Variants in USP9X observed in about 807,000 individuals in gnomAD.
USP9X encodes ubiquitin carboxyl-terminal hydrolase 9X.
A neutral mutation model predicts 190.3 loss-of-function variants in USP9X; 7 were observed. The ratio of observed to expected loss-of-function variants is 0.04; its 90% CI spans 0.02 to 0.07. USP9X has a LOEUF of 0.07. USP9X is among the 10% of genes least tolerant of loss of function. USP9X has a pLI of 1.00. For missense variants in USP9X, 1,010 were observed against 1,916.9 expected, an observed-to-expected ratio of 0.53 and a Z score of 8.83; for synonymous variants, 645 against 659.5, an observed-to-expected ratio of 0.98 and a Z score of 0.34.
At chrX:41,181,900 T>C (rs1385162013) in intron 21 of USP9X, among the ~76,000 whole-genome samples, 1 of 111,564 alleles carries the variant, frequency 9.0e-6, no homozygotes, top group East Asian at 2.8e-4. Flanking sequence ...ACCAAAATCG[T>C]CATAAACTCT....
chrX:41,086,326 CTG>C (rs1307447963), intron 1 of USP9X, among the ~76,000 whole-genome samples: 11 of 111,611 alleles, frequency 9.9e-5, no homozygotes, highest in Non-Finnish European at 1.9e-4. Flanking sequence ...GAGAGCGTGT[CTG>C]TGTGTTTTGG....
intron 26 of USP9X, chrX:41,195,793 T>C (rs2062979025): frequency 7.4e-6 from 2 of 270,693 alleles, no homozygotes; most frequent in African/African-American, 2.8e-5. Context: ...CATTTGGCCT[T>C]CTGGCCTGGG....
chrX:41,104,102 T>A (rs962429088), intron 1 of USP9X, among the ~76,000 whole-genome samples: 1 of 112,021 alleles, frequency 8.9e-6, no homozygotes, highest in African/African-American at 3.2e-5. Flanking sequence ...GTTCTCGCTC[T>A]GTCACCCAGG....
At chrX:41,177,020 A>G (rs1229563409) in intron 21 of USP9X, among the ~76,000 whole-genome samples, 2 of 112,415 alleles carry the variant, frequency 1.8e-5, no homozygotes. Context: ...TCAGTAATTA[A>G]CAGTTTGCCG....
chrX:41,198,668 A>G lies in USP9X; in HGVS notation c.4521A>G (p.Ala1507=), dbSNP rs1169037858. The change falls in exon 30 of 45, where the codon GCA becomes GCG. Residue 1507 remains alanine, a synonymous_variant. Transcript: ENST00000378308. The part of the protein sequence containing the change: ...TINAGFELLV[A]LAVGCVRNLK... ...ATGCTGGTTTTGAATTACTTGTAGCATTAGCTGTTGGCTGTGTGAGGAATC... is the reference window on the plus strand; with the variant it reads ...ATGCTGGTTTTGAATTACTTGTAGCGTTAGCTGTTGGCTGTGTGAGGAATC... 3.7e-5 allele frequency: 45 copies of G among 1,210,570 alleles called. No individual in the cohort carries two copies. Among genetic ancestry groups the G allele is most frequent in the Non-Finnish European group, 4.8e-5 (43 of 895,430 alleles).
At chrX:41,122,524 A>G (rs901988795) in intron 1 of USP9X, among the ~76,000 whole-genome samples, 2 of 111,694 alleles carry the variant, frequency 1.8e-5, no homozygotes, top group African/African-American at 6.5e-5. Context: ...TCTTATGGGA[A>G]GGGGAGCACA....
At chrX:41,132,226 C>A (rs985773464) in intron 4 of USP9X, among the ~76,000 whole-genome samples, 3 of 109,961 alleles carry the variant, frequency 2.7e-5, no homozygotes, top group African/African-American at 1.0e-4. Context: ...TCTCTACCTC[C>A]TATGTTCAAG....
At chrX:41,116,954 A>G (rs2062152435) in intron 1 of USP9X, among the ~76,000 whole-genome samples, 1 of 111,742 alleles carries the variant, frequency 8.9e-6, no homozygotes, top group Non-Finnish European at 1.9e-5. Flanking sequence ...CCTGCTCTTT[A>G]TCTTGCATCT....
intron 17 of USP9X, 31 bp downstream of exon 17, chrX:41,167,608 A>T (rs965569921): frequency 9.5e-7 from 1 of 1,056,338 alleles, no homozygotes; most frequent in Non-Finnish European, 1.3e-6. Flanking sequence ...AAACTTCCAT[A>T]TATAATTCTT....
intron 25 of USP9X, among the ~76,000 whole-genome samples, chrX:41,188,730 A>G (rs1376951557): frequency 8.9e-6 from 1 of 111,991 alleles, no homozygotes; most frequent in African/African-American, 3.2e-5. Flanking sequence ...TTGATGTTCC[A>G]TAGTATCTGT....
chrX:41,086,874 C>G (rs2061917623), intron 1 of USP9X, among the ~76,000 whole-genome samples: 1 of 112,721 alleles, frequency 8.9e-6, no homozygotes, highest in Non-Finnish European at 1.9e-5. Flanking sequence ...TCTTCAGATT[C>G]TTGTGACGTG....
chrX:41,116,237 G>A (rs1377125925), intron 1 of USP9X, among the ~76,000 whole-genome samples: 1 of 112,406 alleles, frequency 8.9e-6, no homozygotes, highest in African/African-American at 3.2e-5. Flanking sequence ...ATGAAATAAA[G>A]CGTAAAACTT....
At position 41,155,424 on chromosome X, in the gene USP9X, A is replaced by C. The variant is rs779401352; in HGVS notation, c.1897+2343A>C. 1.8e-4 allele frequency among the ~76,000 whole-genome samples: 20 copies of C among 111,910 alleles called. No individual in the cohort carries two copies. The South Asian group carries it at 4.8e-3, about 27-fold the overall frequency. On this transcript the variant is annotated intron_variant, in intron 14 of 44. Transcript: ENST00000378308. ...ACTCAAGTTTTAACTCATTGGTAGA[A>C]TAGTCATTCTACTGACTTCAATACT...
Position 41,136,846 on chromosome X carries a change from G to C in USP9X, c.478G>C (p.Val160Leu), listed in dbSNP as rs755925385. ...NNTHRLVELCVAKLSQDWFPL... is the reference protein window; with the variant it reads ...NNTHRLVELCLAKLSQDWFPL... ...TACTCATCGTCTGGTGGAGCTATGT[G>C]TGGCCAAGTTGTCCCAAGACTGGTT... Residue 160 changes from valine (V) to leucine (L), a missense_variant, in exon 6 of 45, where the codon GTG becomes CTG. This residue lies in a region of USP9X where 176 missense variants were observed against 247.5 expected (regional missense o/e 0.71). Transcript: ENST00000378308. 1 of 1,211,624 alleles carries C rather than the reference G, an allele frequency of 8.3e-7. No individual in the cohort carries two copies. The highest frequency in any genetic ancestry group is 1.8e-5 in the South Asian group (1 of 56,996).
chrX:41,225,575 C>T (rs756940403), intron 41 of USP9X, among the ~76,000 whole-genome samples: 17 of 112,112 alleles, frequency 1.5e-4, no homozygotes, highest in African/African-American at 5.5e-4. Flanking sequence ...TTTCATGGTA[C>T]TTATATTCTG....
intron 4 of USP9X, 21 bp downstream of exon 4, chrX:41,131,557 C>T: frequency 1.7e-6 from 2 of 1,158,104 alleles, no homozygotes; most frequent in Non-Finnish European, 1.2e-6. Context: ...TGTTTTTATG[C>T]TTCCTATAAT....
chrX:41,167,430 C>A, intron 16 of USP9X, 52 bp from the exon 17 acceptor site: 1 of 1,036,108 alleles, frequency 9.7e-7, no homozygotes, highest in Non-Finnish European at 1.3e-6. Flanking sequence ...TTTAAATGCC[C>A]AACAAAAATA....
Position 41,125,643 on chromosome X carries a change from A to AACAC in USP9X, c.96+1958_96+1961dup, listed in dbSNP as rs748348083. On this transcript the variant is annotated intron_variant, in intron 2 of 44. Coordinates refer to ENST00000378308, the MANE Select transcript of USP9X (RefSeq NM_001039591.3). ...TCCCTCCCCCCACACCCCTCCCGCC[A>AACAC]ACACACACACACACACACACACACA... Among the ~76,000 whole-genome samples the AACAC allele has an allele frequency of 4.1e-3, 114 of 27,681 alleles. 8 individuals carry two copies. Among genetic ancestry groups the AACAC allele is most frequent in the African/African-American group, 0.014 (88 of 6,446 alleles). The allele number at this position is 27,681 out of a possible 115,157, so 24.0% of individuals were successfully genotyped here.
chrX:41,152,503 G>A (rs1164940409), intron 13 of USP9X, among the ~76,000 whole-genome samples: 1 of 111,581 alleles, frequency 9.0e-6, no homozygotes, highest in East Asian at 2.8e-4. Flanking sequence ...CAAACAGAGT[G>A]TCCCAGGATG....
Sources: gnomAD v4.1 joint callset for allele counts (sites outside exome capture counted in the v4.1 genomes callset) on GRCh38, gnomAD v4.1.1 for gene constraint, gnomAD v4.1.1 regional missense constraint, MANE v1.5 for transcripts, NCBI Gene and HGNC (gene_info 2026-07-23, HGNC 2026-07-21) for gene names.